CNBP: variants seen among roughly 807,000 people sequenced by gnomAD.
The protein encoded by CNBP is cellular nucleic acid-binding protein.
CNBP carries 6 observed loss-of-function variants against 21.2 expected under a neutral mutation model. That is an observed-to-expected ratio of 0.28 (90% confidence interval 0.16 to 0.56). The LOEUF is 0.56. CNBP is among the 20% of genes least tolerant of loss of function. The pLI is 0.93. For synonymous variants in CNBP, 61 were observed against 74.9 expected (o/e 0.81, Z 0.96); for missense variants, 112 against 233.1 (o/e 0.48, Z 3.38).
intron 1 of CNBP, among the ~76,000 whole-genome samples, chr3:129,174,349 TAAAAAAAAA>T (rs56752888): frequency 6.3e-5 from 4 of 63,160 alleles, no homozygotes; most frequent in East Asian, 5.3e-4. Context: ...GAGTCAGAAT[TAAAAAAAAA>T]AAAAAAAAAA....
Position 129,182,009 on chromosome 3 carries a change from A to G in CNBP, c.-15+1767T>C, listed in dbSNP as rs1174639842. ...TTATCCTTAACCAGAGTAACTCATT[A>G]GAAGCATTTAAAACTATTTAGGAGG... On this transcript the variant is annotated intron_variant, in intron 1 of 4. Coordinates refer to ENST00000422453, the MANE Select transcript of CNBP (RefSeq NM_003418.5). Among the ~76,000 whole-genome samples, 12 of 152,118 alleles carry G rather than the reference A, an allele frequency of 7.9e-5. No homozygotes were observed. In the East Asian group the frequency reaches 2.3e-3, roughly 29 times the overall value.
At position 129,168,533 on chromosome 3, in the gene CNBP, G is replaced by C. The variant is rs550056735; in HGVS notation, c.*1920C>G. On this transcript the variant is annotated 3_prime_UTR_variant, in exon 5 of 5. Coordinates refer to ENST00000422453, the MANE Select transcript of CNBP (RefSeq NM_003418.5). ...AATTACTTGAACGGGGTGTGGGGGT[G>C]GGGGGTGGAGGTTGCAGTGAGCTGA... Among the ~76,000 whole-genome samples, 2 of 147,650 alleles carry C rather than the reference G, an allele frequency of 1.4e-5. No individual in the cohort carries two copies. The highest frequency in any genetic ancestry group is 2.5e-5 in the African/African-American group (1 of 39,860).
intron 1 of CNBP, among the ~76,000 whole-genome samples, chr3:129,178,486 T>C (rs1938073439): frequency 6.6e-6 from 1 of 152,222 alleles, no homozygotes; most frequent in South Asian, 2.1e-4. Context: ...AAGTTGGAGA[T>C]AAAAATGACA....
chr3:129,169,788 T>C lies in CNBP; in HGVS notation c.*665A>G, dbSNP rs879912345. On this transcript the variant is annotated 3_prime_UTR_variant, in exon 5 of 5. Coordinates refer to ENST00000422453, the MANE Select transcript of CNBP (RefSeq NM_003418.5). ...GAATAGCTCCAAATTATGCTAACTCTGAGCATTGATGTTTACTCTGGGTTT... is the reference window on the plus strand; with the variant it reads ...GAATAGCTCCAAATTATGCTAACTCCGAGCATTGATGTTTACTCTGGGTTT... 2.2e-5 allele frequency: 5 copies of C among 222,916 alleles called. No individual in the cohort carries two copies. Among genetic ancestry groups the C allele is most frequent in the Non-Finnish European group, 4.5e-5 (5 of 111,430 alleles). 13.8% of individuals were successfully genotyped at this position (222,916 alleles called of 1,614,324 possible). A position where few individuals can be genotyped will look rare whatever the true frequency, so the allele number is the denominator to read the frequency against.
At chr3:129,172,624 CCAGG>C (rs869112917) in intron 1 of CNBP, among the ~76,000 whole-genome samples, 135 of 56,204 alleles carry the variant, frequency 2.4e-3, no homozygotes, top group Middle Eastern at 0.022. Context: ...AGACAGGCAG[CCAGG>C]CAGGCAGGCA....
chr3:129,182,403 G>C (rs1291159137), intron 1 of CNBP, among the ~76,000 whole-genome samples: 2 of 151,922 alleles, frequency 1.3e-5, no homozygotes, highest in Non-Finnish European at 1.5e-5. Flanking sequence ...CTTTTTACAA[G>C]ACCCCCAAGA....
chr3:129,172,665 CAGACAGACAGACAGACAG>C lies in CNBP; in HGVS notation c.-14-912_-14-895del, dbSNP rs1285819678. Among the ~76,000 whole-genome samples the C allele has an allele frequency of 3.1e-4, 29 of 93,528 alleles. 1 individual carries two copies. Among genetic ancestry groups the C allele is most frequent in the African/African-American group, 1.1e-3 (27 of 24,378 alleles). The allele number at this position is 93,528 out of a possible 152,430, so 61.4% of individuals were successfully genotyped here. A position where few individuals can be genotyped will look rare whatever the true frequency, so the allele number is the denominator to read the frequency against. ...GCAGGCAGGCAGGCAGGCAGACAGA[CAGACAGACAGACAGACAG>C]ACAGACAGACAGACACACACACACA... On this transcript the variant is annotated intron_variant, in intron 1 of 4. Coordinates refer to ENST00000422453, the MANE Select transcript of CNBP (RefSeq NM_003418.5).
chr3:129,177,761 T>C (rs1441615115), intron 1 of CNBP, among the ~76,000 whole-genome samples: 1 of 152,238 alleles, frequency 6.6e-6, no homozygotes. Context: ...ATATTTGTCC[T>C]AAGTTTCCAT....
intron 1 of CNBP, among the ~76,000 whole-genome samples, chr3:129,172,552 A>C (rs1937594670): frequency 6.6e-6 from 1 of 151,322 alleles, no homozygotes; most frequent in South Asian, 2.1e-4. Flanking sequence ...ACTGCACTCC[A>C]GCCTAGGGGA....
intron 1 of CNBP, among the ~76,000 whole-genome samples, chr3:129,175,432 CTTTTTTT>C (rs369005126): frequency 1.6e-5 from 2 of 122,116 alleles, no homozygotes; most frequent in Non-Finnish European, 3.6e-5. Flanking sequence ...AGATGTTTTG[CTTTTTTT>C]TTTTTTTTTT....
chr3:129,172,660 A>AGGCAGG (rs1937621334), intron 1 of CNBP, among the ~76,000 whole-genome samples: 1 of 113,710 alleles, frequency 8.8e-6, no homozygotes, highest in African/African-American at 3.4e-5. Context: ...AGGCAGGCAG[A>AGGCAGG]CAGACAGACA....
Position 129,171,646 on chromosome 3 carries a change from T to C in CNBP, c.112A>G (p.Thr38Ala). The change falls in exon 2 of 5, where the codon ACC (threonine) becomes GCC (alanine). Residue 38 changes from threonine (T) to alanine (A), a missense_variant. Thr to Ala is a moderately conservative substitution (Grantham distance 58). Transcript: ENST00000422453. ...TTCGACAAAATACCTCTATCCGAGG[T>C]AAAACCACCTCTGCCACGGCTTCTC... ...GMRSRGRGGFTSDRGFQFVSS... is the reference protein window; with the variant it reads ...GMRSRGRGGFASDRGFQFVSS... 1 of 1,614,158 alleles carries C rather than the reference T, an allele frequency of 6.2e-7. No individual in the cohort carries two copies. The highest frequency in any genetic ancestry group is 8.5e-7 in the Non-Finnish European group (1 of 1,180,032).
chr3:129,181,657 A>AAAAAAAAAAAAAAAG (rs1488685659), intron 1 of CNBP, among the ~76,000 whole-genome samples: 4 of 149,090 alleles, frequency 2.7e-5, no homozygotes, highest in Non-Finnish European at 6.0e-5. Context: ...CTCAGAAAAA[A>AAAAAAAAAAAAAAAG]AAAAAGAAAA....
rs186903970 is a variant in CNBP at position 129,169,938 on chromosome 3, T to A, written c.*515A>T. On this transcript the variant is annotated 3_prime_UTR_variant, in exon 5 of 5. Coordinates refer to ENST00000422453, the MANE Select transcript of CNBP (RefSeq NM_003418.5). ...TATTCCGATTTCTCTCGAACAGCCA[T>A]TAACACGCATGTTTATCTTTTTGTT... 28 of 232,426 alleles carry A rather than the reference T, an allele frequency of 1.2e-4. No individual in the cohort carries two copies. Among genetic ancestry groups the A allele is most frequent in the African/African-American group, 4.6e-4 (21 of 45,344 alleles). 14.4% of individuals were successfully genotyped at this position (232,426 alleles called of 1,614,324 possible). A position where few individuals can be genotyped will look rare whatever the true frequency, so the allele number is the denominator to read the frequency against.
chr3:129,177,096 G>C (rs1056881791), intron 1 of CNBP, among the ~76,000 whole-genome samples: 28 of 152,172 alleles, frequency 1.8e-4, no homozygotes, highest in Non-Finnish European at 1.2e-4. Context: ...TTGGATTTCA[G>C]TACTATTTTA....
chr3:129,180,864 A>G (rs560186721), intron 1 of CNBP, among the ~76,000 whole-genome samples: 1 of 152,146 alleles, frequency 6.6e-6, no homozygotes, highest in South Asian at 2.1e-4. Flanking sequence ...AATTAGTCCA[A>G]TGGTGGTTTC....
chr3:129,171,397 A>G, intron 3 of CNBP, 49 bp downstream of exon 3: 1 of 1,591,884 alleles, frequency 6.3e-7, no homozygotes, highest in Non-Finnish European at 8.6e-7. Context: ...GCATGTGCTC[A>G]CCTCTCCAAG....
At chr3:129,182,868 T>G (rs1416957654) in intron 1 of CNBP, among the ~76,000 whole-genome samples, 1 of 152,082 alleles carries the variant, frequency 6.6e-6, no homozygotes, top group Non-Finnish European at 1.5e-5. Context: ...GAGTATAAAC[T>G]CTAAAAGCTC....
intron 1 of CNBP, among the ~76,000 whole-genome samples, chr3:129,178,704 C>T (rs1266431815): frequency 6.6e-6 from 1 of 152,048 alleles, no homozygotes; most frequent in Non-Finnish European, 1.5e-5. Context: ...TATTATGCTC[C>T]GTTAAGTCAG....
Sources: allele counts gnomAD v4.1 joint callset (sites outside exome capture counted in the v4.1 genomes callset), GRCh38; gene constraint gnomAD v4.1.1; transcripts MANE v1.5; gene names NCBI Gene and HGNC (gene_info 2026-07-23, HGNC 2026-07-21).